The following GPC6 variants were observed in gnomAD, a reference collection of about 807,000 sequenced individuals.
The protein encoded by GPC6 is glypican 6.
Under a neutral mutation model 55.2 loss-of-function variants are expected in GPC6, and 14 were observed. That is an observed-to-expected ratio of 0.25 (90% CI 0.17 to 0.40). The LOEUF is 0.40. GPC6 is among the 10% of genes least tolerant of loss of function. The probability of loss-of-function intolerance (pLI) is 1.00; values close to 1 mark genes in which losing one functional copy is unlikely to be tolerated. For missense variants in GPC6, 641 were observed against 708.5 expected (o/e 0.90, Z 1.08); for synonymous variants, 278 against 259.6 (o/e 1.07, Z -0.68).
Position 93,833,107 on chromosome 13 carries a change from TAGAGAGAGAGAGAGAGAGAGAG to T in GPC6, c.711+2592_711+2613del, listed in dbSNP as rs367949345. Among the ~76,000 whole-genome samples, 710 of 109,078 alleles carry T rather than the reference TAGAGAGAGAGAGAGAGAGAGAG, an allele frequency of 6.5e-3. 11 individuals are homozygous for T. Among genetic ancestry groups the T allele is most frequent in the African/African-American group, 0.021 (639 of 30,996 alleles). 71.6% of individuals were successfully genotyped at this position (109,078 alleles called of 152,430 possible). A position where few individuals can be genotyped will look rare whatever the true frequency, so the allele number is the denominator to read the frequency against. ...GATGGATGGGTAGATAGGTAGATGA[TAGAGAGAGAGAGAGAGAGAGAG>T]AGAGAGAGAGAGAGAGAGAGAGAGA... On this transcript the variant is annotated intron_variant, in intron 3 of 8. Transcript: ENST00000377047.
chr13:93,958,335 G>A (rs1386022926), intron 3 of GPC6, among the ~76,000 whole-genome samples: 1 of 152,116 alleles, frequency 6.6e-6, no homozygotes, highest in African/African-American at 2.4e-5. Flanking sequence ...TATAGTTTCA[G>A]GTCTTACATT....
At chr13:93,965,885 C>T (rs559249481) in intron 3 of GPC6, among the ~76,000 whole-genome samples, 21 of 152,206 alleles carry the variant, frequency 1.4e-4, no homozygotes, top group Non-Finnish European at 7.4e-5. Flanking sequence ...CGTTTTGTGA[C>T]AATATTTTAG....
At chr13:93,379,489 C>A (rs1396862002) in intron 1 of GPC6, among the ~76,000 whole-genome samples, 1 of 151,852 alleles carries the variant, frequency 6.6e-6, no homozygotes, top group Non-Finnish European at 1.5e-5. Flanking sequence ...TTATATATGC[C>A]CCATTAACTT....
intron 2 of GPC6, among the ~76,000 whole-genome samples, chr13:93,760,386 G>A (rs560200547): frequency 1.3e-4 from 20 of 152,278 alleles, no homozygotes; most frequent in Admixed American, 6.5e-4. Flanking sequence ...GTCAATGGAC[G>A]TTCCTCTCAC....
intron 4 of GPC6, among the ~76,000 whole-genome samples, chr13:94,278,765 C>T (rs1341144069): frequency 6.6e-6 from 1 of 152,146 alleles, no homozygotes; most frequent in African/African-American, 2.4e-5. Flanking sequence ...TTGAGCCAGC[C>T]TTGCATCCCA....
At chr13:94,118,740 GATTTCCTTCAGTGATGAGAAA>G (rs1886521772) in intron 4 of GPC6, among the ~76,000 whole-genome samples, 1 of 151,986 alleles carries the variant, frequency 6.6e-6, no homozygotes, top group South Asian at 2.1e-4. Flanking sequence ...TTCCTGCCTT[GATTTCCTTCAGTGATGAGAAA>G]ATTTCCTGTC....
intron 4 of GPC6, among the ~76,000 whole-genome samples, chr13:94,218,769 CT>C (rs1299601168): frequency 6.6e-6 from 1 of 152,116 alleles, no homozygotes; most frequent in Non-Finnish European, 1.5e-5. Flanking sequence ...GGCTCTCAAA[CT>C]TTACTTTGCA....
chr13:93,632,110 A>G (rs1879469446), intron 2 of GPC6, among the ~76,000 whole-genome samples: 2 of 152,210 alleles, frequency 1.3e-5, no homozygotes, highest in Admixed American at 6.5e-5. Flanking sequence ...AGTTGAGACT[A>G]AAAGAAAGAA....
At position 94,339,850 on chromosome 13, in the gene GPC6, A is replaced by G. The variant is rs1221261019; in HGVS notation, c.1152+33727A>G. ...ACGATCTGGGCTTGCCTCAACCTCC[A>G]ACTTCCGGGTTCAAGCAATTCTCCT... On this transcript the variant is annotated intron_variant, in intron 6 of 8. Coordinates refer to ENST00000377047, the MANE Select transcript of GPC6 (RefSeq NM_005708.5). Among the ~76,000 whole-genome samples the G allele has an allele frequency of 2.2e-5, 3 of 137,908 alleles. No individual in the cohort carries two copies. In the East Asian group the frequency reaches 6.5e-4, roughly 30 times the overall value. The allele number at this position is 137,908 out of a possible 152,430, so 90.5% of individuals were successfully genotyped here.
At chr13:94,318,183 T>G (rs1180894542) in intron 6 of GPC6, among the ~76,000 whole-genome samples, 1 of 152,122 alleles carries the variant, frequency 6.6e-6, no homozygotes, top group East Asian at 1.9e-4. Context: ...ATCTTATGTA[T>G]TTTTACTGAT....
At chr13:93,408,137 A>G (rs2139241108) in intron 1 of GPC6, among the ~76,000 whole-genome samples, 1 of 152,324 alleles carries the variant, frequency 6.6e-6, no homozygotes, top group Non-Finnish European at 1.5e-5. Flanking sequence ...AGGCCTTGGT[A>G]GAAAAATGTA....
In GPC6 at chr13:94,306,108, A is replaced by C. The variant is rs747340600; in HGVS notation, c.1137A>C (p.Thr379=). 6.8e-6 allele frequency: 11 copies of C among 1,614,200 alleles called. No homozygotes were observed. Among genetic ancestry groups the C allele is most frequent in the Admixed American group, 1.7e-5 (1 of 60,030 alleles). The change falls in exon 6 of 9, where the codon ACA becomes ACC. Residue 379 remains threonine, a synonymous_variant. Coordinates refer to ENST00000377047, the MANE Select transcript of GPC6 (RefSeq NM_005708.5). ...PEERPTTAAG[T]SLDRLVTDIK... ...AAAGACCAACAACTGCTGCAGGCAC[A>C]AGCTTGGACCGGCTGGTGAGTATTC...
intron 1 of GPC6, among the ~76,000 whole-genome samples, chr13:93,362,689 A>T (rs924881256): frequency 1.5e-5 from 2 of 137,286 alleles, no homozygotes; most frequent in African/African-American, 2.9e-5. Flanking sequence ...TAAAAAAAAA[A>T]ATTTTTTTTA....
chr13:93,306,859 A>G (rs2139102362), intron 1 of GPC6, among the ~76,000 whole-genome samples: 1 of 152,126 alleles, frequency 6.6e-6, no homozygotes, highest in Admixed American at 6.5e-5. Flanking sequence ...CACAGAGCAT[A>G]TTTGTTTTTT....
intron 4 of GPC6, among the ~76,000 whole-genome samples, chr13:94,079,040 T>TA (rs1566375145): frequency 6.6e-6 from 1 of 151,948 alleles, no homozygotes; most frequent in Admixed American, 6.6e-5. Context: ...AAAATACTTT[T>TA]AAAAAATAAG....
intron 3 of GPC6, among the ~76,000 whole-genome samples, chr13:93,921,264 A>G (rs1353899522): frequency 6.6e-6 from 1 of 152,120 alleles, no homozygotes; most frequent in Non-Finnish European, 1.5e-5. Context: ...CTCCGGCCCC[A>G]CAGTAGTGTC....
chr13:93,835,389 A>C (rs1266455683), intron 3 of GPC6, among the ~76,000 whole-genome samples: 6 of 152,126 alleles, frequency 3.9e-5, no homozygotes, highest in African/African-American at 1.4e-4. Context: ...CAGGAGGTGG[A>C]GGTCGTAGTG....
At chr13:94,322,383 C>T (rs890660708) in intron 6 of GPC6, among the ~76,000 whole-genome samples, 1 of 152,164 alleles carries the variant, frequency 6.6e-6, no homozygotes, top group Non-Finnish European at 1.5e-5. Context: ...GACGACTACA[C>T]CTACCCAGGC....
chr13:93,754,713 A>AC (rs1163391265), intron 2 of GPC6, among the ~76,000 whole-genome samples: 2 of 152,068 alleles, frequency 1.3e-5, no homozygotes, highest in African/African-American at 4.8e-5. Flanking sequence ...AAAAAAAAAA[A>AC]ACTAAAATCG....
Sources: allele counts gnomAD v4.1 joint callset (sites outside exome capture counted in the v4.1 genomes callset), GRCh38; gene constraint gnomAD v4.1.1; transcripts MANE v1.5; gene names NCBI Gene and HGNC (gene_info 2026-07-23, HGNC 2026-07-21).